DCAF8L2: variants seen among roughly 807,000 people sequenced by gnomAD.
The protein encoded by DCAF8L2 is DDB1 and CUL4 associated factor 8 like 2.
For missense variants in DCAF8L2, 430 were observed against 490.7 expected, an observed-to-expected ratio of 0.88 and a Z score of 1.17; for synonymous variants, 200 against 190.9, an observed-to-expected ratio of 1.05 and a Z score of -0.39.
At chrX:27,657,145 A>G (rs972041381) in intron 2 of DCAF8L2, among the ~76,000 whole-genome samples, 3 of 111,376 alleles carry the variant, frequency 2.7e-5, no homozygotes, top group Non-Finnish European at 3.8e-5. Context: ...TTGTGGGACC[A>G]TATGATCATG....
At chrX:27,511,583 A>G in the DCAF8L2 span, among the ~76,000 whole-genome samples, 1 of 112,526 alleles carries the variant, frequency 8.9e-6, no homozygotes, top group South Asian at 3.6e-4. Context: ...ATTTCTAAAC[A>G]TAAACTATGT....
chrX:27,514,806 A>T, the DCAF8L2 span, among the ~76,000 whole-genome samples: 1 of 110,325 alleles, frequency 9.1e-6, no homozygotes, highest in African/African-American at 3.3e-5. Flanking sequence ...ATACCACATG[A>T]TCTCACTCAT....
chrX:27,563,078 C>T, the DCAF8L2 span, among the ~76,000 whole-genome samples: 2 of 111,346 alleles, frequency 1.8e-5, no homozygotes, highest in African/African-American at 3.3e-5. Context: ...TTTCTCTTTT[C>T]GGTTATATTC....
the DCAF8L2 span, among the ~76,000 whole-genome samples, chrX:27,483,921 A>T: frequency 1.8e-5 from 2 of 111,378 alleles, no homozygotes; most frequent in African/African-American, 6.5e-5. Flanking sequence ...CCAGAATAAG[A>T]AACATTACTG....
chrX:27,522,238 G>T, the DCAF8L2 span, among the ~76,000 whole-genome samples: 1 of 111,526 alleles, frequency 9.0e-6, no homozygotes, highest in Non-Finnish European at 1.9e-5. Flanking sequence ...TGTTGGTCAG[G>T]CTGCTCTCAA....
the DCAF8L2 span, among the ~76,000 whole-genome samples, chrX:27,492,844 C>T: frequency 8.9e-6 from 1 of 112,274 alleles, no homozygotes; most frequent in Non-Finnish European, 1.9e-5. Context: ...TTTTCATTTC[C>T]ACCAGGTGAG....
the DCAF8L2 span, among the ~76,000 whole-genome samples, chrX:27,496,754 T>C: frequency 8.9e-6 from 1 of 112,090 alleles, no homozygotes; most frequent in Admixed American, 9.5e-5. Flanking sequence ...AAATCTAGTT[T>C]TGTAATGGCT....
chrX:27,605,552 G>T (rs1270109424), intron 1 of DCAF8L2, among the ~76,000 whole-genome samples: 1 of 111,157 alleles, frequency 9.0e-6, no homozygotes, highest in African/African-American at 3.3e-5. Context: ...AAAATATGTG[G>T]GTTAAATTCA....
the DCAF8L2 span, among the ~76,000 whole-genome samples, chrX:27,532,062 G>GATATAT: frequency 3.4e-4 from 36 of 105,335 alleles, no homozygotes; most frequent in African/African-American, 1.2e-3. Flanking sequence ...AATTGATATC[G>GATATAT]ATATATATAT....
chrX:27,669,215 G>A (rs1428435810), intron 2 of DCAF8L2, among the ~76,000 whole-genome samples: 1 of 111,268 alleles, frequency 9.0e-6, no homozygotes, highest in Admixed American at 9.5e-5. Context: ...ATGATCACAT[G>A]CTTAACAAAT....
At chrX:27,503,643 T>C in the DCAF8L2 span, among the ~76,000 whole-genome samples, 1 of 111,365 alleles carries the variant, frequency 9.0e-6, no homozygotes, top group Admixed American at 9.6e-5. Context: ...TTTTGTTCCA[T>C]TATCTATGTG....
At chrX:27,587,769 G>C (rs1174928457), upstream of DCAF8L2, among the ~76,000 whole-genome samples, 1 of 109,789 alleles carries the variant, frequency 9.1e-6, no homozygotes, top group Admixed American at 9.8e-5. Context: ...GTTAAAATAA[G>C]AAGTAGTTTG....
chrX:27,582,980 TTC>T, the DCAF8L2 span, among the ~76,000 whole-genome samples: 3 of 111,845 alleles, frequency 2.7e-5, no homozygotes, highest in Non-Finnish European at 5.6e-5. Flanking sequence ...CAAATTCTGT[TTC>T]TCATCAAACT....
chrX:27,680,007 T>G (rs1173101013), intron 3 of DCAF8L2, among the ~76,000 whole-genome samples: 1 of 111,741 alleles, frequency 8.9e-6, no homozygotes, highest in Non-Finnish European at 1.9e-5. Flanking sequence ...TATCCTTTAT[T>G]TTGTATCAGA....
the DCAF8L2 span, among the ~76,000 whole-genome samples, chrX:27,575,227 C>T: frequency 1.3e-4 from 14 of 111,166 alleles, no homozygotes; most frequent in African/African-American, 4.6e-4. Flanking sequence ...GCTTTTCCAC[C>T]AACGTGCTCC....
At chrX:27,659,389 A>G (rs963777027) in intron 2 of DCAF8L2, among the ~76,000 whole-genome samples, 7 of 112,066 alleles carry the variant, frequency 6.2e-5, no homozygotes, top group African/African-American at 2.3e-4. Flanking sequence ...TATCTGAGAC[A>G]AAAACTATGC....
chrX:27,615,759 A>G (rs1000729887), intron 1 of DCAF8L2, among the ~76,000 whole-genome samples: 1 of 111,532 alleles, frequency 9.0e-6, no homozygotes, highest in African/African-American at 3.2e-5. Context: ...AGAGGAGAAT[A>G]TTAAAATACT....
In DCAF8L2 at chrX:27,641,812, G is replaced by C. The variant is rs753987276; in HGVS notation, c.-220+9812G>C. Reference sequence around the variant, plus strand: ...CTATCTTTGTTTTACTCTGCATAACGTGTGTTTGCCCTTCCTCTGGCCACT... The same window carrying C: ...CTATCTTTGTTTTACTCTGCATAACCTGTGTTTGCCCTTCCTCTGGCCACT... On this transcript the variant is annotated intron_variant, in intron 2 of 4. Coordinates refer to ENST00000451261, the MANE Select transcript of DCAF8L2 (RefSeq NM_001353450.2). 2.7e-5 allele frequency among the ~76,000 whole-genome samples: 3 copies of C among 110,186 alleles called. No homozygotes were observed. In the South Asian group the frequency reaches 1.2e-3, roughly 43 times the overall value.
the DCAF8L2 span, among the ~76,000 whole-genome samples, chrX:27,581,013 A>G: frequency 6.2e-5 from 7 of 112,282 alleles, no homozygotes; most frequent in South Asian, 2.6e-3. Flanking sequence ...TGTAATCAAT[A>G]TAAAAATTCA....
Sources: allele counts gnomAD v4.1 joint callset (sites outside exome capture counted in the v4.1 genomes callset), GRCh38; gene constraint gnomAD v4.1.1; transcripts MANE v1.5; gene names NCBI Gene and HGNC (gene_info 2026-07-23, HGNC 2026-07-21).